The following ULK4 variants were observed in gnomAD, a reference collection of about 807,000 sequenced individuals.
ULK4 encodes the protein inactive serine/threonine-protein kinase ULK4.
In ULK4, 133 loss-of-function variants were observed where a neutral mutation model predicts 160.6. That is an observed-to-expected ratio of 0.83 (90% confidence interval 0.72 to 0.96). The LOEUF is 0.96. ULK4 is among the 40% of genes least tolerant of loss of function. The pLI is 0.00. For synonymous variants in ULK4, 534 were observed against 539.8 expected (o/e 0.99, Z 0.15); for missense variants, 1,580 against 1,499.5 (o/e 1.05, Z -0.89).
chr3:41,386,682 T>C (rs745957893), intron 35 of ULK4, among the ~76,000 whole-genome samples: 10 of 152,282 alleles, frequency 6.6e-5, no homozygotes, highest in South Asian at 2.1e-4. Flanking sequence ...CCAGACCTGG[T>C]TGATTTTTCC....
At chr3:41,957,004 G>C (rs1040348296) in intron 1 of ULK4, among the ~76,000 whole-genome samples, 4 of 152,174 alleles carry the variant, frequency 2.6e-5, no homozygotes, top group South Asian at 2.1e-4. Context: ...GTAGTTAAAT[G>C]AGTTCGTTTT....
At position 41,570,277 on chromosome 3, in the gene ULK4, C is replaced by T. The variant is rs958442559; in HGVS notation, c.3121-4147G>A. On this transcript the variant is annotated intron_variant, in intron 31 of 36. Transcript: ENST00000301831. ...AAAAATTTTGAACTTCAGAAACACA[C>T]GCTTAAGAGCACTTTTGCAGTGAAC... Among the ~76,000 whole-genome samples the T allele has an allele frequency of 3.2e-4, 48 of 152,270 alleles. 1 individual carries two copies. Among genetic ancestry groups the T allele is most frequent in the African/African-American group, 1.1e-3 (47 of 41,558 alleles).
In ULK4 at chr3:41,519,595, A is replaced by G. The variant is rs184117320; in HGVS notation, c.3226+46430T>C. On this transcript the variant is annotated intron_variant, in intron 32 of 36. Transcript: ENST00000301831. ...ATTTGAATTTGAAGCATACATGAAC[A>G]TGTAGGAAAAACAGGGGCAGGAGAA... Among the ~76,000 whole-genome samples the G allele has an allele frequency of 9.1e-4, 139 of 152,328 alleles. 1 individual carries two copies. The highest frequency in any genetic ancestry group is 3.3e-3 in the African/African-American group (137 of 41,582).
At chr3:41,367,072 T>G (rs1396238100) in intron 35 of ULK4, among the ~76,000 whole-genome samples, 1 of 152,224 alleles carries the variant, frequency 6.6e-6, no homozygotes, top group African/African-American at 2.4e-5. Context: ...TTAGATATTT[T>G]TAAAGACCTG....
chr3:41,481,030 A>T (rs902386559), intron 32 of ULK4, among the ~76,000 whole-genome samples: 1 of 152,248 alleles, frequency 6.6e-6, no homozygotes, highest in Non-Finnish European at 1.5e-5. Context: ...GCCAAACTGT[A>T]TCAGTGTATA....
Position 41,615,700 on chromosome 3 carries a change from T to C in ULK4, c.3089A>G (p.Lys1030Arg), listed in dbSNP as rs2032929611. 2 of 1,613,380 alleles carry C rather than the reference T, an allele frequency of 1.2e-6. No homozygotes were observed. Among genetic ancestry groups the C allele is most frequent in the East Asian group, 2.2e-5 (1 of 44,832 alleles). ...TACTTCAAAAATGAGTGGGATCAGT[T>C]TGCTTTCTTCCACAAGTCTGTTAAA... The part of the protein sequence containing the change: ...PTFTRLVEES[K>R]LIPLIFEVTL... Residue 1030 changes from lysine (K) to arginine (R), a missense_variant, in exon 31 of 37, where the codon AAA becomes AGA. Lys to Arg is a conservative substitution (Grantham distance 26, BLOSUM62 2). Transcript: ENST00000301831.
chr3:41,912,328 CAAAAA>C (rs1223106095), intron 9 of ULK4, among the ~76,000 whole-genome samples: 1,311 of 88,244 alleles, frequency 0.015, 12 homozygotes, highest in South Asian at 0.066. Flanking sequence ...GACGTTGTCT[CAAAAA>C]AAAAAAAAAA....
At chr3:41,930,912 A>T (rs1014951157) in intron 5 of ULK4, among the ~76,000 whole-genome samples, 4 of 152,250 alleles carry the variant, frequency 2.6e-5, no homozygotes, top group African/African-American at 9.6e-5. Context: ...TGGTTCAACC[A>T]TTGCGGAGGA....
intron 30 of ULK4, among the ~76,000 whole-genome samples, chr3:41,629,924 G>T (rs1421898210): frequency 6.6e-6 from 1 of 152,130 alleles, no homozygotes; most frequent in Non-Finnish European, 1.5e-5. Flanking sequence ...CTGAGCCCAG[G>T]GAGGTCAAAG....
chr3:41,501,214 C>T (rs1177691647), intron 32 of ULK4, among the ~76,000 whole-genome samples: 4 of 150,376 alleles, frequency 2.7e-5, no homozygotes, highest in South Asian at 2.1e-4. Flanking sequence ...TAATGTTTGG[C>T]TGGGCGCGGT....
At chr3:41,942,979 C>T (rs56679986) in intron 2 of ULK4, among the ~76,000 whole-genome samples, 2,102 of 151,966 alleles carry the variant, frequency 0.014, 44 homozygotes, top group African/African-American at 0.047. Flanking sequence ...TTTGGGAGGC[C>T]GAGGCGGGTG....
At chr3:41,798,258 A>T (rs1232232131) in intron 20 of ULK4, among the ~76,000 whole-genome samples, 1 of 152,220 alleles carries the variant, frequency 6.6e-6, no homozygotes, top group Non-Finnish European at 1.5e-5. Flanking sequence ...AAGCCCAATT[A>T]AAACAAGACA....
At chr3:41,674,808 A>G (rs2035653821) in intron 29 of ULK4, among the ~76,000 whole-genome samples, 2 of 152,204 alleles carry the variant, frequency 1.3e-5, no homozygotes, top group Non-Finnish European at 2.9e-5. Flanking sequence ...GAAGAAATAC[A>G]GGTACCTTAA....
intron 16 of ULK4, among the ~76,000 whole-genome samples, chr3:41,884,742 G>T (rs1384781146): frequency 6.6e-6 from 1 of 152,126 alleles, no homozygotes; most frequent in Non-Finnish European, 1.5e-5. Flanking sequence ...ACTCAGAGAA[G>T]TACTACAGGG....
chr3:41,642,527 T>C (rs1455783562), intron 30 of ULK4, among the ~76,000 whole-genome samples: 1 of 152,236 alleles, frequency 6.6e-6, no homozygotes, highest in Non-Finnish European at 1.5e-5. Context: ...ACTCATCATT[T>C]TTTATGGCTG....
intron 35 of ULK4, among the ~76,000 whole-genome samples, chr3:41,355,243 C>A (rs903054452): frequency 1.3e-5 from 2 of 152,148 alleles, no homozygotes; most frequent in Non-Finnish European, 2.9e-5. Context: ...CACACCCATA[C>A]TCTTCAATTA....
chr3:41,329,396 A>G (rs1481393679), intron 35 of ULK4, among the ~76,000 whole-genome samples: 1 of 152,194 alleles, frequency 6.6e-6, no homozygotes, highest in East Asian at 1.9e-4. Context: ...CTTTTACAGG[A>G]ACTTTAATTC....
intron 31 of ULK4, among the ~76,000 whole-genome samples, chr3:41,591,075 A>G (rs1485138316): frequency 1.3e-5 from 2 of 152,172 alleles, no homozygotes; most frequent in Non-Finnish European, 2.9e-5. Context: ...ACAATCAGAA[A>G]AGAGAGGAAA....
chr3:41,830,327 T>C (rs1441378946), intron 18 of ULK4, among the ~76,000 whole-genome samples: 2 of 151,832 alleles, frequency 1.3e-5, no homozygotes, highest in Non-Finnish European at 2.9e-5. Context: ...GGAAAATTAC[T>C]CTCTATATCT....
Sources: gnomAD v4.1 joint callset for allele counts (sites outside exome capture counted in the v4.1 genomes callset) on GRCh38, gnomAD v4.1.1 for gene constraint, MANE v1.5 for transcripts, NCBI Gene and HGNC (gene_info 2026-07-23, HGNC 2026-07-21) for gene names.